Variants in ZC3H12B observed in about 807,000 individuals in gnomAD.
ZC3H12B encodes probable ribonuclease ZC3H12B.
A neutral mutation model predicts 43.9 loss-of-function variants in ZC3H12B; 7 were observed. That is an observed-to-expected ratio of 0.16 (90% CI 0.09 to 0.30). The LOEUF (loss-of-function observed/expected upper bound fraction) is 0.30, where lower values mean the gene tolerates loss of function less well. Among genes scored for constraint, ZC3H12B ranks in the 10% least tolerant of loss-of-function variants. The pLI is 1.00. For synonymous variants in ZC3H12B, 222 were observed against 241.7 expected, an observed-to-expected ratio of 0.92 and a Z score of 0.76; for missense variants, 475 against 670.2, an observed-to-expected ratio of 0.71 and a Z score of 3.22.
At chrX:65,448,015 G>A (rs1199499812) in intron 3 of ZC3H12B, among the ~76,000 whole-genome samples, 2 of 110,913 alleles carry the variant, frequency 1.8e-5, no homozygotes, top group Non-Finnish European at 3.8e-5. Flanking sequence ...GGTGGATCAC[G>A]AGGTCAGGAG....
the ZC3H12B span, among the ~76,000 whole-genome samples, chrX:65,164,837 CATA>C: frequency 1.8e-5 from 2 of 111,886 alleles, no homozygotes; most frequent in African/African-American, 6.5e-5. Context: ...CTGATGTGCC[CATA>C]ATATGTTTAA....
At chrX:65,414,175 C>G (rs757503463) in intron 3 of ZC3H12B, among the ~76,000 whole-genome samples, 1 of 111,459 alleles carries the variant, frequency 9.0e-6, no homozygotes, top group Non-Finnish European at 1.9e-5. Context: ...TTGTTGTGTA[C>G]TTTTCTTATG....
the ZC3H12B span, among the ~76,000 whole-genome samples, chrX:65,182,590 A>G: frequency 9.0e-6 from 1 of 110,498 alleles, no homozygotes; most frequent in Non-Finnish European, 1.9e-5. Context: ...AATTAAACTA[A>G]AGAGCTTCTG....
the ZC3H12B span, among the ~76,000 whole-genome samples, chrX:65,151,858 C>T: frequency 8.9e-6 from 1 of 111,756 alleles, no homozygotes; most frequent in East Asian, 2.8e-4. Flanking sequence ...CTGAATTCAA[C>T]AGCACATCAA....
At chrX:65,038,811 G>A in the ZC3H12B span, among the ~76,000 whole-genome samples, 16 of 111,163 alleles carry the variant, frequency 1.4e-4, no homozygotes, top group African/African-American at 5.2e-4. Context: ...GAGTACCACT[G>A]ATGCATCTAT....
At chrX:65,256,599 A>T in the ZC3H12B span, among the ~76,000 whole-genome samples, 52 of 111,814 alleles carry the variant, frequency 4.7e-4, no homozygotes, top group African/African-American at 1.6e-3. Flanking sequence ...AACATCTTGA[A>T]TTAACAACAT....
chrX:65,073,297 G>A, the ZC3H12B span, among the ~76,000 whole-genome samples: 6 of 112,614 alleles, frequency 5.3e-5, no homozygotes, highest in Non-Finnish European at 9.4e-5. Context: ...CCATGCTCTC[G>A]TAGGAAGCTG....
At chrX:65,117,841 T>C in the ZC3H12B span, among the ~76,000 whole-genome samples, 1 of 112,034 alleles carries the variant, frequency 8.9e-6, no homozygotes, top group Admixed American at 9.5e-5. Flanking sequence ...TTGCTTGTTT[T>C]TCTCAGGTTT....
At chrX:65,470,941 G>C (rs1477266443) in intron 3 of ZC3H12B, among the ~76,000 whole-genome samples, 1 of 111,728 alleles carries the variant, frequency 9.0e-6, no homozygotes, top group Non-Finnish European at 1.9e-5. Flanking sequence ...CTTGTGTTAT[G>C]GCCTATCATA....
chrX:65,363,956 T>C (rs2066138704), upstream of ZC3H12B, among the ~76,000 whole-genome samples: 1 of 111,293 alleles, frequency 9.0e-6, no homozygotes, highest in African/African-American at 3.3e-5. Flanking sequence ...GGCCCAGACT[T>C]CAATTCGGCC....
chrX:65,098,146 C>G, the ZC3H12B span, among the ~76,000 whole-genome samples: 76 of 108,979 alleles, frequency 7.0e-4, no homozygotes, highest in Admixed American at 2.6e-3. Context: ...TATTAAGTAC[C>G]TGATATGAAT....
At chrX:65,437,033 GC>G (rs2067230043) in intron 3 of ZC3H12B, among the ~76,000 whole-genome samples, 1 of 110,091 alleles carries the variant, frequency 9.1e-6, no homozygotes, top group African/African-American at 3.3e-5. Context: ...GCTCACTGCA[GC>G]CTCCACCTTC....
chrX:65,213,212 T>G, the ZC3H12B span, among the ~76,000 whole-genome samples: 1 of 110,285 alleles, frequency 9.1e-6, no homozygotes, highest in East Asian at 2.8e-4. Flanking sequence ...AATCTATCAG[T>G]GTGCCCACGA....
chrX:65,288,488 G>A, the ZC3H12B span, among the ~76,000 whole-genome samples: 1 of 112,601 alleles, frequency 8.9e-6, no homozygotes, highest in Non-Finnish European at 1.9e-5. Flanking sequence ...AAGGGATGCA[G>A]TTATGGTTTA....
At chrX:65,505,795 TC>T (rs749676942) in exon 5 of ZC3H12B, 18 of 112,756 alleles carry the variant, frequency 1.6e-4, no homozygotes, top group African/African-American at 5.8e-4. Flanking sequence ...TATTTAGTAC[TC>T]AGAAACTGTG....
chrX:65,459,300 C>T (rs2067692255), intron 3 of ZC3H12B, among the ~76,000 whole-genome samples: 1 of 111,871 alleles, frequency 8.9e-6, no homozygotes, highest in East Asian at 2.8e-4. Context: ...TGGTACCATT[C>T]CTTCTGGAAC....
At chrX:65,235,474 C>G in the ZC3H12B span, among the ~76,000 whole-genome samples, 21 of 111,500 alleles carry the variant, frequency 1.9e-4, no homozygotes, top group Non-Finnish European at 7.5e-5. Flanking sequence ...TGCAATTTCA[C>G]CAGCTGGAAA....
At chrX:65,153,322 G>A in the ZC3H12B span, among the ~76,000 whole-genome samples, 2 of 111,762 alleles carry the variant, frequency 1.8e-5, no homozygotes, top group Non-Finnish European at 3.8e-5. Context: ...GAAAATTTTT[G>A]CAACCTACTC....
the ZC3H12B span, among the ~76,000 whole-genome samples, chrX:65,109,146 C>A: frequency 1.8e-5 from 2 of 111,432 alleles, no homozygotes; most frequent in African/African-American, 6.5e-5. Context: ...TTATTAGCCA[C>A]CAGATTATTG....
Sources: allele counts gnomAD v4.1 joint callset (sites outside exome capture counted in the v4.1 genomes callset), GRCh38; gene constraint gnomAD v4.1.1; transcripts MANE v1.5; gene names NCBI Gene and HGNC (gene_info 2026-07-23, HGNC 2026-07-21).